Variants in RANBP2 observed in about 807,000 individuals in gnomAD.
The protein encoded by RANBP2 is E3 SUMO-protein ligase RanBP2.
Under a neutral mutation model 303.6 loss-of-function variants are expected in RANBP2, and 57 were observed. The observed-to-expected ratio is 0.19, with a 90% CI of 0.15 to 0.23. The LOEUF (loss-of-function observed/expected upper bound fraction) is 0.23. RANBP2 is among the 10% of genes least tolerant of loss of function. RANBP2 has a pLI of 1.00. For missense variants in RANBP2, 3,138 were observed against 3,780.8 expected (o/e 0.83, Z 4.46); for synonymous variants, 1,167 against 1,301.5 (o/e 0.90, Z 2.23).
chr2:108,816,821 T>G, the RANBP2 span, among the ~76,000 whole-genome samples: 3 of 152,138 alleles, frequency 2.0e-5, no homozygotes, highest in Non-Finnish European at 4.4e-5. Flanking sequence ...CTCATCCCTT[T>G]GAGTAGGGTC....
the RANBP2 span, among the ~76,000 whole-genome samples, chr2:109,474,549 C>T: frequency 2.2e-3 from 329 of 152,306 alleles, 1 homozygote; most frequent in African/African-American, 7.4e-3. Context: ...ACAGTCCGAA[C>T]CGCACGGGGC....
At chr2:108,970,526 C>T in the RANBP2 span, among the ~76,000 whole-genome samples, 8 of 151,958 alleles carry the variant, frequency 5.3e-5, no homozygotes, top group African/African-American at 7.3e-5. Flanking sequence ...GGCCTCTGGA[C>T]GGTGCCCAGG....
the RANBP2 span, among the ~76,000 whole-genome samples, chr2:109,369,843 G>A: frequency 6.6e-6 from 1 of 152,182 alleles, no homozygotes; most frequent in Non-Finnish European, 1.5e-5. Context: ...GACCCCACCA[G>A]CCTAAAACAT....
the RANBP2 span, among the ~76,000 whole-genome samples, chr2:109,638,411 G>A: frequency 4.6e-5 from 7 of 152,174 alleles, no homozygotes; most frequent in African/African-American, 1.7e-4. Flanking sequence ...GCAAGCTCAG[G>A]TTCCAAATTC....
intron 18 of RANBP2, among the ~76,000 whole-genome samples, chr2:108,760,568 C>CT (rs1573798780): frequency 6.6e-6 from 1 of 152,160 alleles, no homozygotes; most frequent in Non-Finnish European, 1.5e-5. Context: ...CATTTTCGCA[C>CT]TTTGCTAATG....
At chr2:109,592,672 C>T in the RANBP2 span, among the ~76,000 whole-genome samples, 2 of 138,850 alleles carry the variant, frequency 1.4e-5, no homozygotes, top group Admixed American at 7.3e-5. Context: ...CCCAGCTACT[C>T]GGGAGGCTGA....
the RANBP2 span, among the ~76,000 whole-genome samples, chr2:109,383,812 G>A: frequency 1.3e-5 from 2 of 152,290 alleles, no homozygotes; most frequent in African/African-American, 2.4e-5. Context: ...GACATCAGCC[G>A]CATTTTCCAG....
the RANBP2 span, among the ~76,000 whole-genome samples, chr2:108,893,684 A>C: frequency 1.1e-4 from 16 of 152,162 alleles, no homozygotes; most frequent in African/African-American, 3.9e-4. Context: ...AGCCATCACA[A>C]GACTGAAAAA....
At chr2:109,434,316 A>G in the RANBP2 span, among the ~76,000 whole-genome samples, 1 of 152,248 alleles carries the variant, frequency 6.6e-6, no homozygotes, top group African/African-American at 2.4e-5. Context: ...GCAGCAGGTT[A>G]GAGCAGCAGC....
At chr2:109,036,493 A>G in the RANBP2 span, among the ~76,000 whole-genome samples, 5 of 152,192 alleles carry the variant, frequency 3.3e-5, no homozygotes, top group Non-Finnish European at 7.3e-5. Flanking sequence ...ATACACCATG[A>G]TGAAGTGGGA....
At chr2:108,884,851 G>C in the RANBP2 span, 1 of 152,194 alleles carries the variant, frequency 6.6e-6, no homozygotes, top group African/African-American at 2.4e-5. Flanking sequence ...AATTGAAGGC[G>C]GGTCTGCCAA....
the RANBP2 span, among the ~76,000 whole-genome samples, chr2:109,416,906 A>C: frequency 1.6e-5 from 2 of 128,428 alleles, no homozygotes; most frequent in Non-Finnish European, 3.2e-5. Context: ...CTTCATCTCA[A>C]AAAAAAAAAA....
the RANBP2 span, among the ~76,000 whole-genome samples, chr2:109,710,111 G>A: frequency 6.6e-6 from 1 of 151,528 alleles, no homozygotes; most frequent in African/African-American, 2.4e-5. Flanking sequence ...GCCAGGTGTG[G>A]TCGCTCATGC....
the RANBP2 span, among the ~76,000 whole-genome samples, chr2:108,806,733 T>G: frequency 1.3e-5 from 2 of 152,236 alleles, no homozygotes; most frequent in African/African-American, 4.8e-5. Context: ...TTGAAATTGC[T>G]GAAGAAAAAG....
At chr2:109,384,630 C>T in the RANBP2 span, among the ~76,000 whole-genome samples, 106 of 152,228 alleles carry the variant, frequency 7.0e-4, no homozygotes, top group African/African-American at 2.4e-3. Flanking sequence ...GCCGAGTGCC[C>T]GCGACCTTGT....
At chr2:108,731,600 T>C in intron 4 of RANBP2, 126 bp downstream of exon 4, 6 of 1,549,508 alleles carry the variant, frequency 3.9e-6, no homozygotes, top group Non-Finnish European at 5.2e-6. Flanking sequence ...AAATTTTCTT[T>C]TAAAAAGTGT....
the RANBP2 span, among the ~76,000 whole-genome samples, chr2:109,441,124 T>C: frequency 2.6e-5 from 2 of 75,534 alleles, no homozygotes. Context: ...AGAATATTTA[T>C]AGGAATACAA....
chr2:109,542,359 C>T, the RANBP2 span, among the ~76,000 whole-genome samples: 13 of 152,322 alleles, frequency 8.5e-5, no homozygotes, highest in South Asian at 1.2e-3. Flanking sequence ...ACAAAACGAC[C>T]GCCCTGCTGT....
chr2:109,553,252 A>G, the RANBP2 span: 2 of 1,610,840 alleles, frequency 1.2e-6, no homozygotes, highest in Non-Finnish European at 1.7e-6. Flanking sequence ...CTCCTGCTAA[A>G]AAGTGATATA....
Sources: allele counts gnomAD v4.1 joint callset (sites outside exome capture counted in the v4.1 genomes callset), GRCh38; gene constraint gnomAD v4.1.1; transcripts MANE v1.5; gene names NCBI Gene and HGNC (gene_info 2026-07-23, HGNC 2026-07-21).